SOD2: variants seen among roughly 807,000 people sequenced by gnomAD.
SOD2 encodes the protein superoxide dismutase 2.
Under a neutral mutation model 27.0 loss-of-function variants are expected in SOD2, and 11 were observed. That is an observed-to-expected ratio of 0.41 (90% CI 0.26 to 0.67). SOD2 has a LOEUF of 0.67. SOD2 is among the 30% of genes least tolerant of loss of function. The pLI, the probability that SOD2 is intolerant of heterozygous loss-of-function variation, is 0.34. For synonymous variants in SOD2, 105 were observed against 103.0 expected, an observed-to-expected ratio of 1.02 and a Z score of -0.12; for missense variants, 250 against 274.5, an observed-to-expected ratio of 0.91 and a Z score of 0.63.
At chr6:159,739,824 C>CTTTTTTTTTTTTTTTTTTTTT (rs56389349) in intron 1 of SOD2, among the ~76,000 whole-genome samples, 1 of 85,158 alleles carries the variant, frequency 1.2e-5, no homozygotes, top group Non-Finnish European at 2.2e-5. Flanking sequence ...CACTTTTTAC[C>CTTTTTTTTTTTTTTTTTTTTT]TTTTTTTTTT....
intron 3 of SOD2, among the ~76,000 whole-genome samples, chr6:159,687,214 G>A (rs745739760): frequency 2.0e-5 from 3 of 152,142 alleles, no homozygotes; most frequent in East Asian, 1.9e-4. Context: ...AGACTGGCGC[G>A]GTGGCTCACA....
At position 159,676,771 on chromosome 6, in the gene SOD2, A is replaced by T. The variant is rs1779790334; in HGVS notation, c.*5722T>A. ...TAAAAATAAATAAGTAAAAAATAAA[A>T]TGCCAGAGTTGGCACCTTAAGATCC... On this transcript the variant is annotated 3_prime_UTR_variant, in exon 5 of 5. Coordinates refer to ENST00000538183, the MANE Select transcript of SOD2 (RefSeq NM_000636.4). 2 of 152,164 alleles carry T rather than the reference A, an allele frequency of 1.3e-5. No individual in the cohort carries two copies. The highest frequency in any genetic ancestry group is 4.8e-5 in the African/African-American group (2 of 41,432). The allele number at this position is 152,164 out of a possible 1,614,324, so 9.4% of individuals were successfully genotyped here. A position where few individuals can be genotyped will look rare whatever the true frequency, so the allele number is the denominator to read the frequency against.
intron 1 of SOD2, among the ~76,000 whole-genome samples, chr6:159,719,076 A>AATTC (rs1777978723): frequency 6.6e-6 from 1 of 152,082 alleles, no homozygotes; most frequent in South Asian, 2.1e-4. Flanking sequence ...GTCCACCCAA[A>AATTC]ATTCATGTTG....
chr6:159,757,969 G>A (rs1268739746), intron 1 of SOD2, among the ~76,000 whole-genome samples: 1 of 152,166 alleles, frequency 6.6e-6, no homozygotes, highest in Non-Finnish European at 1.5e-5. Context: ...ATATGGACCT[G>A]TTAATGTGAC....
At chr6:159,740,542 C>T (rs1360252291) in intron 1 of SOD2, among the ~76,000 whole-genome samples, 1 of 152,066 alleles carries the variant, frequency 6.6e-6, no homozygotes, top group African/African-American at 2.4e-5. Flanking sequence ...CTTTTATAGC[C>T]TCCACTGAAG....
intron 1 of SOD2, chr6:159,736,658 T>C (rs932302436): frequency 6.1e-6 from 1 of 165,108 alleles, no homozygotes; most frequent in African/African-American, 2.4e-5. Flanking sequence ...GAGTATATTA[T>C]TATTCTTTTC....
At chr6:159,751,384 G>A (rs372335007) in intron 1 of SOD2, among the ~76,000 whole-genome samples, 6 of 152,294 alleles carry the variant, frequency 3.9e-5, no homozygotes, top group South Asian at 2.1e-4. Flanking sequence ...TAGTAAGAAG[G>A]TTAGTTGTAA....
intron 2 of SOD2, 98 bp downstream of exon 2, chr6:159,692,563 C>CGT (rs1426853099): frequency 3.2e-6 from 5 of 1,559,344 alleles, no homozygotes; most frequent in Non-Finnish European, 4.3e-6. Context: ...AAATACGAAG[C>CGT]GAGTTCTCCT....
At chr6:159,722,582 C>G (rs1472684010) in intron 1 of SOD2, among the ~76,000 whole-genome samples, 1 of 152,086 alleles carries the variant, frequency 6.6e-6, no homozygotes, top group Non-Finnish European at 1.5e-5. Flanking sequence ...TATTCATTTT[C>G]TTTTTGACGC....
intron 1 of SOD2, chr6:159,741,925 C>T (rs1052046003): frequency 3.7e-6 from 2 of 547,344 alleles, no homozygotes; most frequent in South Asian, 2.1e-5. Flanking sequence ...GCACTCCAGC[C>T]TGGGGGACAG....
intron 1 of SOD2, among the ~76,000 whole-genome samples, chr6:159,733,033 T>TA (rs1395587792): frequency 2.6e-5 from 4 of 152,012 alleles, no homozygotes; most frequent in Non-Finnish European, 5.9e-5. Flanking sequence ...TAGAAGTAGT[T>TA]AGACATGTGG....
rs1287978519 is a variant in SOD2, at chr6:159,670,792, C to T, written c.*11701G>A. The T allele has an allele frequency of 1.3e-5, 2 of 152,532 alleles. No individual in the cohort carries two copies. Among genetic ancestry groups the T allele is most frequent in the East Asian group, 3.9e-4 (2 of 5,194 alleles). 9.4% of individuals were successfully genotyped at this position (152,532 alleles called of 1,614,324 possible). On this transcript the variant is annotated 3_prime_UTR_variant, in exon 5 of 5. Coordinates refer to ENST00000538183, the MANE Select transcript of SOD2 (RefSeq NM_000636.4). Reference sequence around the variant, plus strand: ...GAGCATGAGCTGAAGCAGGGCAAGGCATGGCCTCACCCGGGAAGGCAAGGG... The same window carrying T: ...GAGCATGAGCTGAAGCAGGGCAAGGTATGGCCTCACCCGGGAAGGCAAGGG...
chr6:159,762,261 G>A, exon 1 of SOD2: 1 of 1,340,824 alleles, frequency 7.5e-7, no homozygotes, highest in South Asian at 1.5e-5. Context: ...AGGCCAAGCC[G>A]CGAGGAGCCG....
At chr6:159,729,728 C>A (rs1205708831), upstream of SOD2, among the ~76,000 whole-genome samples, 1 of 152,204 alleles carries the variant, frequency 6.6e-6, no homozygotes, top group Non-Finnish European at 1.5e-5. Context: ...GAAAAGATGG[C>A]CTTTCAGTTC....
At chr6:159,705,745 C>G (rs2114813270) in intron 1 of SOD2, among the ~76,000 whole-genome samples, 1 of 152,294 alleles carries the variant, frequency 6.6e-6, no homozygotes, top group Admixed American at 6.5e-5. Flanking sequence ...GGCCAACATT[C>G]AAATTCAGGA....
chr6:159,699,191 C>T (rs186943548), intron 1 of SOD2, among the ~76,000 whole-genome samples: 2 of 152,320 alleles, frequency 1.3e-5, no homozygotes, highest in Admixed American at 6.5e-5. Flanking sequence ...TCCCTATCTC[C>T]TCAAATCCTG....
At chr6:159,693,338 C>A (rs1443567043), upstream of SOD2, 3 of 287,746 alleles carry the variant, frequency 1.0e-5, no homozygotes, top group Admixed American at 5.7e-5. Flanking sequence ...GCCCCCCCCC[C>A]CCGCGGGCCC....
intron 1 of SOD2, among the ~76,000 whole-genome samples, chr6:159,698,925 G>C (rs969456696): frequency 6.0e-5 from 7 of 117,642 alleles, no homozygotes; most frequent in African/African-American, 2.3e-4. Flanking sequence ...GGTTGATCTT[G>C]CTGTCTGGGG....
rs184617585 is a variant in SOD2, at chr6:159,723,091, T to C, written c.-116+4038A>G. Among the ~76,000 whole-genome samples the C allele has an allele frequency of 3.3e-5, 5 of 152,328 alleles. No individual in the cohort carries two copies. The East Asian group carries it at 7.7e-4, about 24-fold the overall frequency. On this transcript the variant is annotated intron_variant, in intron 1 of 2. Coordinates refer to the SOD2 transcript ENST00000401980. ...CCTTTCCTTTTGTCCACTGTAAAGC[T>C]TTCCCACTCCTCTGCATGCCTTTGA...
Sources: gnomAD v4.1 joint callset for allele counts (sites outside exome capture counted in the v4.1 genomes callset) on GRCh38, gnomAD v4.1.1 for gene constraint, MANE v1.5 for transcripts, NCBI Gene and HGNC (gene_info 2026-07-23, HGNC 2026-07-21) for gene names.